HERC1: variants seen among roughly 807,000 people sequenced by gnomAD.
The protein encoded by HERC1 is probable E3 ubiquitin-protein ligase HERC1.
HERC1 carries 160 observed loss-of-function variants against 554.3 expected under a neutral mutation model. That is an observed-to-expected ratio of 0.29 (90% CI 0.25 to 0.33). The LOEUF (loss-of-function observed/expected upper bound fraction) is 0.33, where lower values mean the gene tolerates loss of function less well. Among genes scored for constraint, HERC1 ranks in the 10% least tolerant of loss-of-function variants. The probability of loss-of-function intolerance (pLI) is 1.00; values close to 1 mark genes in which losing one functional copy is unlikely to be tolerated. For missense variants in HERC1, 4,919 were observed against 5,918.5 expected (o/e 0.83, Z 5.54); for synonymous variants, 2,175 against 2,131.7 (o/e 1.02, Z -0.56).
intron 46 of HERC1, 125 bp from the exon 47 acceptor site, chr15:63,660,061 G>A (rs2070269635): frequency 2.6e-6 from 2 of 780,646 alleles, no homozygotes; most frequent in Admixed American, 4.4e-5. Flanking sequence ...GCTCACGCCT[G>A]TAATCCCAAC....
chr15:63,620,494 T>C (rs1158546747), intron 74 of HERC1, among the ~76,000 whole-genome samples: 1 of 152,246 alleles, frequency 6.6e-6, no homozygotes, highest in Non-Finnish European at 1.5e-5. Flanking sequence ...GAGAGTTCTG[T>C]AGATATCTAT....
At position 63,663,068 on chromosome 15, in the gene HERC1, C is replaced by T. The variant is rs2070437818; in HGVS notation, c.8817G>A (p.Met2939Ile). 1.2e-6 allele frequency: 2 copies of T among 1,613,888 alleles called. No homozygotes were observed. Among genetic ancestry groups the T allele is most frequent in the South Asian group, 2.2e-5 (2 of 91,088 alleles). ...ELEIDLDDEA[M>I]EAMFGQDLTS... is the part of the protein sequence containing the mutation. ...TCAGGTCTTGTCCAAACATAGCTTC[C>T]ATCGCCTCATCATCAAGATCAATTT... Residue 2939 changes from methionine (M) to isoleucine (I), a missense_variant, in exon 44 of 78, where the codon ATG becomes ATA. This residue lies in a region of HERC1 where 1,963 missense variants were observed against 2,228.6 expected (regional missense o/e 0.88). Transcript: ENST00000443617.
At chr15:63,696,872 C>T (rs985002689) in intron 26 of HERC1, among the ~76,000 whole-genome samples, 10 of 151,038 alleles carry the variant, frequency 6.6e-5, no homozygotes, top group Non-Finnish European at 1.2e-4. Flanking sequence ...GAACTTCTGC[C>T]CCTATCTTCC....
At position 63,648,217 on chromosome 15, in the gene HERC1, A is replaced by G. The variant is rs1441843252; in HGVS notation, c.10748-18T>C. ...AACAGACACTAACATGATCAAAACA[A>G]AAGAGTAAGGAAAAGATAATTATTT... On this transcript the variant is annotated intron_variant, in intron 54 of 77. Transcript: ENST00000443617. 2 of 1,591,432 alleles carry G rather than the reference A, an allele frequency of 1.3e-6. No individual in the cohort carries two copies. The highest frequency in any genetic ancestry group is 1.3e-5 in the African/African-American group (1 of 74,572).
intron 70 of HERC1, among the ~76,000 whole-genome samples, chr15:63,627,723 A>C (rs988131693): frequency 1.3e-5 from 2 of 152,004 alleles, no homozygotes; most frequent in African/African-American, 4.8e-5. Context: ...AATGTGTAAG[A>C]ATGACAAATG....
intron 1 of HERC1, among the ~76,000 whole-genome samples, chr15:63,790,339 G>A (rs1485669738): frequency 6.6e-6 from 1 of 152,140 alleles, no homozygotes; most frequent in Non-Finnish European, 1.5e-5. Context: ...AGCACTTTAG[G>A]AGGCCGAGGC....
intron 3 of HERC1, among the ~76,000 whole-genome samples, chr15:63,762,022 T>C (rs2075627607): frequency 6.6e-6 from 1 of 152,232 alleles, no homozygotes; most frequent in Non-Finnish European, 1.5e-5. Flanking sequence ...TAAGCATTTC[T>C]AGCACCCTGA....
rs528623886 is a variant in HERC1 at position 63,694,121 on chromosome 15, T to G, written c.5517A>C (p.Gln1839His). The change falls in exon 30 of 78, where the codon CAA (glutamine) becomes CAC (histidine). Residue 1839 changes from glutamine (Q) to histidine (H), a missense_variant. Around this residue, in one of 11 missense-constraint regions of HERC1, gnomAD observed 1,121 missense variants for 1,244.0 expected, o/e 0.90. Transcript: ENST00000443617. This position sits in a 1 kb window ranked among gnomAD's most constrained non-coding sequence, Gnocchi z 4.3. ...YADKLSPKVV[Q>H]SLLDLLCSQL... Reference sequence around the variant, plus strand: ...GACTACAGAGTAGATCCAACAAGGATTGAACTACTTTGGGACTCAGTTTAT... The same window carrying G: ...GACTACAGAGTAGATCCAACAAGGAGTGAACTACTTTGGGACTCAGTTTAT... 6.2e-7 allele frequency: 1 copy of G among 1,608,950 alleles called. No homozygotes were observed. The highest frequency in any genetic ancestry group is 8.5e-7 in the Non-Finnish European group (1 of 1,177,488).
At chr15:63,631,662 T>C (rs1330369837) in intron 68 of HERC1, among the ~76,000 whole-genome samples, 1 of 152,220 alleles carries the variant, frequency 6.6e-6, no homozygotes, top group Non-Finnish European at 1.5e-5. Context: ...TGCCTCAGCG[T>C]CCCGAGTAGC....
chr15:63,703,180 T>G (rs2072821635), intron 25 of HERC1, among the ~76,000 whole-genome samples: 1 of 152,110 alleles, frequency 6.6e-6, no homozygotes, highest in Non-Finnish European at 1.5e-5. Context: ...TGGCTAAATG[T>G]ATCTGCCCAC....
At position 63,694,298 on chromosome 15, in the gene HERC1, T is replaced by C. The variant is rs778260934; in HGVS notation, c.5480+14A>G. 4 of 1,606,112 alleles carry C rather than the reference T, an allele frequency of 2.5e-6. No individual in the cohort carries two copies. The East Asian group carries it at 8.9e-5, about 36-fold the overall frequency. Reference sequence around the variant, plus strand: ...GACTTCATACAGTTCTACAAAGACATCTACCATACTTACCCAGTAGTGATG... The same window carrying C: ...GACTTCATACAGTTCTACAAAGACACCTACCATACTTACCCAGTAGTGATG... On this transcript the variant is annotated intron_variant, in intron 29 of 77. Transcript: ENST00000443617. This position sits in a 1 kb window ranked among gnomAD's most constrained non-coding sequence, Gnocchi z 4.3.
intron 37 of HERC1, among the ~76,000 whole-genome samples, chr15:63,676,562 A>T (rs2071220227): frequency 6.6e-6 from 1 of 151,838 alleles, no homozygotes; most frequent in African/African-American, 2.4e-5. Flanking sequence ...TTCAAGACCA[A>T]CCTGGGTAAC....
At chr15:63,737,140 T>C (rs2074541170) in intron 12 of HERC1, among the ~76,000 whole-genome samples, 2 of 151,100 alleles carry the variant, frequency 1.3e-5, no homozygotes, top group Non-Finnish European at 2.9e-5. Flanking sequence ...AAAAAGATGA[T>C]AAAAGAAACA....
intron 1 of HERC1, 78 bp downstream of exon 1, chr15:63,833,749 G>GCACACACACA (rs1206350552): frequency 7.0e-5 from 2 of 28,456 alleles, no homozygotes; most frequent in African/African-American, 2.6e-4. Flanking sequence ...ACACACGCGC[G>GCACACACACA]CGCGCACACA....
chr15:63,610,086 T>C (rs772101367), intron 77 of HERC1, among the ~76,000 whole-genome samples: 5 of 151,744 alleles, frequency 3.3e-5, no homozygotes, highest in African/African-American at 7.3e-5. Flanking sequence ...TTTGTAATAA[T>C]AGTAATGGCA....
rs762989422 is a variant in HERC1 at position 63,654,202 on chromosome 15, G to C, written c.10207C>G (p.Gln3403Glu). The C allele has an allele frequency of 2.3e-5, 37 of 1,614,018 alleles. No homozygotes were observed. The highest frequency in any genetic ancestry group is 3.1e-5 in the Non-Finnish European group (36 of 1,179,864). Reference sequence around the variant, plus strand: ...TCAGCAAGTGTCTGCAGAGTAGTTTGGTTGTCACGGTCGTGTGCAGCAAGA... The same window carrying C: ...TCAGCAAGTGTCTGCAGAGTAGTTTCGTTGTCACGGTCGTGTGCAGCAAGA... Reference protein sequence around the residue: ...RTLAAHDRDNQTTLQTLADMG... With the variant: ...RTLAAHDRDNETTLQTLADMG... The change falls in exon 51 of 78, where the codon CAA (glutamine) becomes GAA (glutamate). Residue 3403 changes from glutamine (Q) to glutamate (E), a missense_variant. Physicochemically the swap from Gln to Glu is conservative, Grantham distance 29 (BLOSUM62 2). Transcript: ENST00000443617.
Position 63,677,915 on chromosome 15 carries a change from G to A in HERC1, c.7000C>T (p.Leu2334=). ...CTGCCCTCTTTGACCACTCCCAGCA[G>A]CGTGGCATGGCGCCCAGTTTGCTTG... is the stretch of plus-strand genomic sequence containing the variant. The part of the protein sequence containing the change: ...VHKQTGRHAT[L]LGVVKEGSTS... Residue 2334 remains leucine, a synonymous_variant, in exon 37 of 78, where the codon CTG becomes TTG. Coordinates refer to ENST00000443617, the MANE Select transcript of HERC1 (RefSeq NM_003922.4). This position sits in a 1 kb window ranked among gnomAD's most constrained non-coding sequence, Gnocchi z 4.4. 6.2e-7 allele frequency: 1 copy of A among 1,614,024 alleles called. No homozygotes were observed. The highest frequency in any genetic ancestry group is 8.5e-7 in the Non-Finnish European group (1 of 1,179,898).
chr15:63,831,068 G>C (rs763100547), intron 1 of HERC1, among the ~76,000 whole-genome samples: 4 of 152,190 alleles, frequency 2.6e-5, no homozygotes, highest in Admixed American at 2.6e-4. Flanking sequence ...TCATGTGTAT[G>C]TTAAGCCAAA....
Position 63,775,195 on chromosome 15 carries a change from G to A in HERC1, c.429C>T (p.Val143=), listed in dbSNP as rs1319575706. 3 of 1,613,860 alleles carry A rather than the reference G, an allele frequency of 1.9e-6. No homozygotes were observed. The East Asian group carries it at 6.7e-5, about 36-fold the overall frequency. The change falls in exon 2 of 78, where the codon GTC becomes GTT. Residue 143 remains valine, a synonymous_variant. Transcript: ENST00000443617. This position sits in a 1 kb window ranked among gnomAD's most constrained non-coding sequence, Gnocchi z 4.0. ...SPESSSGSAD[V]HSVSERPRSS... is the part of the protein sequence containing the mutation. Reference sequence around the variant, plus strand: ...ACCGGGGGCGTTCACTAACAGAATGGACATCTGCTGAACCAGAACTGCTCT... The same window carrying A: ...ACCGGGGGCGTTCACTAACAGAATGAACATCTGCTGAACCAGAACTGCTCT...
Sources: gnomAD v4.1 joint callset for allele counts (sites outside exome capture counted in the v4.1 genomes callset) on GRCh38, gnomAD v4.1.1 for gene constraint, gnomAD v4.1.1 regional missense constraint, Gnocchi (gnomAD v3.1) non-coding constraint, MANE v1.5 for transcripts, NCBI Gene and HGNC (gene_info 2026-07-23, HGNC 2026-07-21) for gene names.